Variants in PIK3C2G observed in about 807,000 individuals in gnomAD.
PIK3C2G encodes the protein phosphatidylinositol 3-kinase C2 domain-containing subunit gamma.
Under a neutral mutation model 181.1 loss-of-function variants are expected in PIK3C2G, and 168 were observed. The observed-to-expected ratio is 0.93, with a 90% CI of 0.82 to 1.05. The LOEUF is 1.05. Ranked by LOEUF, PIK3C2G falls within the 50% of genes least tolerant of loss-of-function variation. The pLI is 0.00. For missense variants in PIK3C2G, 1,869 were observed against 1,732.8 expected, an observed-to-expected ratio of 1.08 and a Z score of -1.40; for synonymous variants, 573 against 592.2, an observed-to-expected ratio of 0.97 and a Z score of 0.47.
At chr12:18,597,467 A>G (rs1947434480) in intron 30 of PIK3C2G, among the ~76,000 whole-genome samples, 1 of 152,136 alleles carries the variant, frequency 6.6e-6, no homozygotes, top group African/African-American at 2.4e-5. Context: ...GACCTAAGAG[A>G]AAACTAATCT....
At chr12:18,342,957 A>C (rs556746053) in intron 9 of PIK3C2G, among the ~76,000 whole-genome samples, 2 of 152,130 alleles carry the variant, frequency 1.3e-5, no homozygotes, top group African/African-American at 4.8e-5. Flanking sequence ...GGTGCTGTCC[A>C]AAGCTTGCTG....
At position 18,640,782 on chromosome 12, in the gene PIK3C2G, AC is replaced by A. The variant is rs1372597629; in HGVS notation, c.4308+230del. Among the ~76,000 whole-genome samples the A allele has an allele frequency of 3.3e-5, 5 of 152,250 alleles. No homozygotes were observed. The East Asian group carries it at 9.7e-4, about 29-fold the overall frequency. ...ATAAACCAATTTGCAAGTATGGCTA[AC>A]CTCCAGCAAGAGCCCAAGACTTGTT... On this transcript the variant is annotated intron_variant, in intron 32 of 32. Transcript: ENST00000538779.
the PIK3C2G span, chr12:18,719,443 CA>C: frequency 6.6e-7 from 1 of 1,513,032 alleles, no homozygotes; most frequent in Non-Finnish European, 8.9e-7. Context: ...TACATATCCC[CA>C]AAGGTCACTT....
At chr12:18,275,039 G>A (rs1212885124) in intron 1 of PIK3C2G, among the ~76,000 whole-genome samples, 1 of 152,140 alleles carries the variant, frequency 6.6e-6, no homozygotes, top group East Asian at 1.9e-4. Context: ...ATTTTTAAAA[G>A]TCCATAAGAA....
chr12:18,401,766 C>T (rs940379517), intron 16 of PIK3C2G, among the ~76,000 whole-genome samples: 1 of 152,062 alleles, frequency 6.6e-6, no homozygotes. Context: ...AAAATATGCT[C>T]AATATCATTA....
intron 24 of PIK3C2G, among the ~76,000 whole-genome samples, chr12:18,533,435 T>C (rs1176775977): frequency 6.6e-6 from 1 of 152,134 alleles, no homozygotes. Context: ...CTCTGAAATA[T>C]GCTTTTAAGT....
chr12:18,272,160 G>A (rs552763597), intron 1 of PIK3C2G, among the ~76,000 whole-genome samples: 1 of 152,188 alleles, frequency 6.6e-6, no homozygotes, highest in South Asian at 2.1e-4. Flanking sequence ...GTATTTTTAA[G>A]TATTTTTTAA....
downstream of PIK3C2G, among the ~76,000 whole-genome samples, chr12:18,648,955 T>C (rs1240500249): frequency 1.3e-5 from 2 of 152,112 alleles, no homozygotes; most frequent in Non-Finnish European, 2.9e-5. Context: ...TGAAAAAAAA[T>C]CTAAGCTTTT....
At chr12:18,693,800 A>G in the PIK3C2G span, 1 of 1,517,788 alleles carries the variant, frequency 6.6e-7, no homozygotes, top group Non-Finnish European at 9.1e-7. Flanking sequence ...TCCAGCGCTT[A>G]TCAGACCAGG....
At chr12:18,616,615 G>A (rs1241604439) in intron 31 of PIK3C2G, among the ~76,000 whole-genome samples, 3 of 151,946 alleles carry the variant, frequency 2.0e-5, no homozygotes, top group East Asian at 3.9e-4. Flanking sequence ...TGGATATGTC[G>A]CCACATGACT....
At chr12:18,657,583 A>G in the PIK3C2G span, among the ~76,000 whole-genome samples, 1 of 152,174 alleles carries the variant, frequency 6.6e-6, no homozygotes, top group African/African-American at 2.4e-5. Context: ...TCATTAGCTG[A>G]ACACCACTAA....
intron 29 of PIK3C2G, among the ~76,000 whole-genome samples, chr12:18,580,113 T>C (rs190524505): frequency 0.015 from 2,128 of 142,698 alleles, 30 homozygotes; most frequent in Non-Finnish European, 0.023. Context: ...AGCCTGGCAA[T>C]AGAGTAAGAC....
intron 26 of PIK3C2G, among the ~76,000 whole-genome samples, chr12:18,559,821 T>TAGAGAGAGAGAGAGAGAG (rs1171468138): frequency 1.6e-4 from 3 of 18,368 alleles, no homozygotes; most frequent in African/African-American, 2.0e-4. Flanking sequence ...TATATATATA[T>TAGAGAGAGAGAGAGAGAG]AGAGAGAGAG....
intron 25 of PIK3C2G, among the ~76,000 whole-genome samples, chr12:18,544,823 A>G (rs577576660): frequency 6.6e-6 from 1 of 151,970 alleles, no homozygotes; most frequent in African/African-American, 2.4e-5. Flanking sequence ...TATGCTAATG[A>G]CAGTCAAATC....
intron 26 of PIK3C2G, among the ~76,000 whole-genome samples, chr12:18,557,415 A>T (rs969536513): frequency 2.6e-4 from 40 of 152,240 alleles, no homozygotes; most frequent in Non-Finnish European, 1.8e-4. Context: ...AAAATATATG[A>T]TCACCTAAAT....
chr12:18,243,532 T>A (rs9634088), upstream of PIK3C2G, among the ~76,000 whole-genome samples: 5 of 151,638 alleles, frequency 3.3e-5, no homozygotes, highest in African/African-American at 1.2e-4. Flanking sequence ...ACACAGATAA[T>A]TAAAAACATT....
intron 5 of PIK3C2G, among the ~76,000 whole-genome samples, chr12:18,297,470 T>C (rs896481537): frequency 1.3e-5 from 2 of 152,098 alleles, no homozygotes; most frequent in African/African-American, 4.8e-5. Flanking sequence ...ATAGAATGTA[T>C]AATGATCAAG....
intron 31 of PIK3C2G, among the ~76,000 whole-genome samples, chr12:18,635,464 C>T (rs1949552540): frequency 6.6e-6 from 1 of 152,158 alleles, no homozygotes; most frequent in South Asian, 2.1e-4. Flanking sequence ...TCGTGATGGG[C>T]AACTCGGGGC....
chr12:18,424,753 G>A (rs957007128), intron 18 of PIK3C2G: 2 of 209,312 alleles, frequency 9.6e-6, no homozygotes, highest in Middle Eastern at 5.2e-4. Context: ...TGAAGTAGAA[G>A]AAGTTCAAGG....
Sources: gnomAD v4.1 joint callset for allele counts (sites outside exome capture counted in the v4.1 genomes callset) on GRCh38, gnomAD v4.1.1 for gene constraint, MANE v1.5 for transcripts, NCBI Gene and HGNC (gene_info 2026-07-23, HGNC 2026-07-21) for gene names.